The following PRKN variants were observed in gnomAD, a reference collection of about 807,000 sequenced individuals.
PRKN encodes E3 ubiquitin-protein ligase parkin.
A neutral mutation model predicts 59.5 loss-of-function variants in PRKN; 56 were observed. The ratio of observed to expected loss-of-function variants is 0.94; its 90% confidence interval spans 0.76 to 1.18. PRKN has a LOEUF of 1.18. Among genes scored for constraint, PRKN ranks in the 50% most tolerant of loss-of-function variants. The pLI, the probability that PRKN is intolerant of heterozygous loss-of-function variation, is 0.00. For missense variants in PRKN, 657 were observed against 596.4 expected (o/e 1.10, Z -1.06); for synonymous variants, 250 against 222.1 (o/e 1.13, Z -1.12).
chr6:161,576,829 TA>T lies in PRKN; in HGVS notation c.872-7414del. Among the ~76,000 whole-genome samples, 1 of 152,332 alleles carries T rather than the reference TA, an allele frequency of 6.6e-6. No individual in the cohort carries two copies. Among genetic ancestry groups the T allele is most frequent in the Middle Eastern group, 3.4e-3 (1 of 294 alleles). ...CACAGATTTTTAGGAATTGAGTTAATATGAGTTAGCTAGAGTGAAATGTATC... is the reference window on the plus strand; with the variant it reads ...CACAGATTTTTAGGAATTGAGTTAATTGAGTTAGCTAGAGTGAAATGTATC... On this transcript the variant is annotated intron_variant, in intron 7 of 11. Coordinates refer to ENST00000366898, the MANE Select transcript of PRKN (RefSeq NM_004562.3). The surrounding 1 kb of genome is among the most constrained non-coding windows in gnomAD (Gnocchi z 4.6).
rs985489310 is a variant in PRKN, at chr6:162,285,699, G to A, written c.172-22934C>T. ...TAGCAGAGACAGCTGGCACCTCATCGAAATCTGTTTCCTCCTCTTCCCCGA... is the reference window on the plus strand; with the variant it reads ...TAGCAGAGACAGCTGGCACCTCATCAAAATCTGTTTCCTCCTCTTCCCCGA... On this transcript the variant is annotated intron_variant, in intron 2 of 11. Transcript: ENST00000366898. Among the ~76,000 whole-genome samples the A allele has an allele frequency of 4.6e-5, 7 of 152,038 alleles. 1 individual carries two copies. The highest frequency in any genetic ancestry group is 5.9e-5 in the Non-Finnish European group (4 of 68,020).
At chr6:161,612,004 C>G (rs1782505591) in intron 7 of PRKN, among the ~76,000 whole-genome samples, 1 of 152,170 alleles carries the variant, frequency 6.6e-6, no homozygotes, top group South Asian at 2.1e-4. Flanking sequence ...TCACAATACT[C>G]CATTAAGCCA....
intron 2 of PRKN, among the ~76,000 whole-genome samples, chr6:162,361,759 A>G (rs1345821200): frequency 6.6e-6 from 1 of 152,186 alleles, no homozygotes; most frequent in Admixed American, 6.6e-5. Context: ...AAGTTTTTCC[A>G]CTAAAGGAAT....
chr6:161,543,621 C>T (rs1203371319), intron 9 of PRKN, among the ~76,000 whole-genome samples: 2 of 152,074 alleles, frequency 1.3e-5, no homozygotes, highest in Non-Finnish European at 2.9e-5. Context: ...TTTTGAAATT[C>T]GATTTTCATT....
At chr6:162,645,967 T>C (rs1273345968) in intron 1 of PRKN, among the ~76,000 whole-genome samples, 1 of 147,844 alleles carries the variant, frequency 6.8e-6, no homozygotes, top group Non-Finnish European at 1.5e-5. Context: ...CTCCACCTCC[T>C]GGGTTCATGC....
intron 7 of PRKN, among the ~76,000 whole-genome samples, chr6:161,742,464 G>A (rs375899845): frequency 6.6e-6 from 1 of 152,168 alleles, no homozygotes; most frequent in African/African-American, 2.4e-5. Context: ...CATGAGAACA[G>A]ACTAATACAC....
At chr6:162,188,167 G>A (rs140437947) in intron 4 of PRKN, among the ~76,000 whole-genome samples, 17 of 152,198 alleles carry the variant, frequency 1.1e-4, no homozygotes, top group Non-Finnish European at 1.8e-4. Flanking sequence ...CTCCCCAGCC[G>A]TGTGGAACTG....
chr6:161,647,053 C>G (rs74534538), intron 7 of PRKN, among the ~76,000 whole-genome samples: 15,209 of 152,174 alleles, frequency 0.1, 871 homozygotes, highest in African/African-American at 0.15. Flanking sequence ...ATTTTTCTCT[C>G]TGAAGGAAAT....
At chr6:162,123,069 T>G (rs1259076237) in intron 4 of PRKN, among the ~76,000 whole-genome samples, 1 of 151,036 alleles carries the variant, frequency 6.6e-6, no homozygotes. Flanking sequence ...AACACTGAAG[T>G]AACAAGAAAA....
intron 6 of PRKN, among the ~76,000 whole-genome samples, chr6:161,815,784 G>A (rs1791752080): frequency 6.6e-6 from 1 of 152,130 alleles, no homozygotes; most frequent in Admixed American, 6.5e-5. Flanking sequence ...GGGGGAAGAC[G>A]GGGCAGCTGG....
intron 6 of PRKN, among the ~76,000 whole-genome samples, chr6:161,833,381 G>T (rs1356009285): frequency 6.6e-6 from 1 of 152,212 alleles, no homozygotes; most frequent in Non-Finnish European, 1.5e-5. Context: ...GAATGAAGCT[G>T]TTTTAAGATA....
chr6:162,107,547 C>T (rs751904973), intron 4 of PRKN, among the ~76,000 whole-genome samples: 1 of 152,188 alleles, frequency 6.6e-6, no homozygotes, highest in Non-Finnish European at 1.5e-5. Context: ...TGAGAGAGAA[C>T]AGAAGAGTTT....
chr6:162,511,238 T>C (rs568420097), intron 1 of PRKN, among the ~76,000 whole-genome samples: 1 of 152,270 alleles, frequency 6.6e-6, no homozygotes, highest in African/African-American at 2.4e-5. Context: ...GCTACCACTC[T>C]TTGGTATTAC....
chr6:161,733,700 A>G (rs554248567), intron 7 of PRKN, among the ~76,000 whole-genome samples: 46 of 151,054 alleles, frequency 3.0e-4, no homozygotes, highest in Non-Finnish European at 5.6e-4. Flanking sequence ...TTTCTTTCCA[A>G]AAATAGTGAC....
rs958590988 is a variant in PRKN, at chr6:161,734,112, T to G, written c.871+51660A>C. ...GGTTTTACATCATCCTTCCAGCCAG[T>G]GAACACACAGATGTGAAGACATGTG... On this transcript the variant is annotated intron_variant, in intron 7 of 11. Coordinates refer to ENST00000366898, the MANE Select transcript of PRKN (RefSeq NM_004562.3). 3.5e-4 allele frequency among the ~76,000 whole-genome samples: 53 copies of G among 151,962 alleles called. 2 individuals are homozygous for G.
At chr6:161,532,499 C>G (rs4487560) in intron 9 of PRKN, among the ~76,000 whole-genome samples, 13,587 of 148,532 alleles carry the variant, frequency 0.091, 942 homozygotes, top group African/African-American at 0.2. Flanking sequence ...TACTCTATCT[C>G]TTCCAGAGTA....
chr6:162,139,744 C>T lies in PRKN; in HGVS notation c.534+61387G>A, dbSNP rs112601031. On this transcript the variant is annotated intron_variant, in intron 4 of 11. Coordinates refer to ENST00000366898, the MANE Select transcript of PRKN (RefSeq NM_004562.3). ...TGAGTAAAAAGTATAAAAACAGACC[C>T]GCACCTATACATAGGAATAAAATGA... Among the ~76,000 whole-genome samples the T allele has an allele frequency of 1.5e-3, 224 of 152,174 alleles. 1 individual carries two copies. The highest frequency in any genetic ancestry group is 5.0e-3 in the African/African-American group (206 of 41,504).
chr6:162,685,048 T>C (rs1290820043), intron 1 of PRKN, among the ~76,000 whole-genome samples: 3 of 152,220 alleles, frequency 2.0e-5, no homozygotes, highest in Non-Finnish European at 2.9e-5. Flanking sequence ...GGACTGGACA[T>C]GTTCCTAACC....
intron 7 of PRKN, among the ~76,000 whole-genome samples, chr6:161,704,466 T>C (rs903714401): frequency 3.3e-5 from 5 of 152,198 alleles, no homozygotes; most frequent in African/African-American, 1.2e-4. Flanking sequence ...AAATTAGCTT[T>C]CTTGGTTTTT....
Sources: gnomAD v4.1 joint callset for allele counts (sites outside exome capture counted in the v4.1 genomes callset) on GRCh38, gnomAD v4.1.1 for gene constraint, Gnocchi (gnomAD v3.1) non-coding constraint, MANE v1.5 for transcripts, NCBI Gene and HGNC (gene_info 2026-07-23, HGNC 2026-07-21) for gene names.